Variants in ANXA8 observed in about 807,000 individuals in gnomAD.
ANXA8 encodes annexin A8.
A neutral mutation model predicts 26.8 loss-of-function variants in ANXA8; 9 were observed. The ratio of observed to expected loss-of-function variants is 0.34; its 90% CI spans 0.20 to 0.59. The LOEUF is 0.59. Ranked by LOEUF, ANXA8 falls within the 20% of genes least tolerant of loss-of-function variation. The pLI, the probability that ANXA8 is intolerant of heterozygous loss-of-function variation, is 0.84. For synonymous variants in ANXA8, 39 were observed against 94.8 expected (o/e 0.41, Z 3.42); for missense variants, 83 against 238.5 (o/e 0.35, Z 4.29).
At chr10:47,587,645 A>C in the ANXA8 span, among the ~76,000 whole-genome samples, 2 of 147,028 alleles carry the variant, frequency 1.4e-5, no homozygotes, top group East Asian at 3.9e-4. Flanking sequence ...CCAATAGATA[A>C]ATGTAAATAA....
chr10:47,691,108 A>G, the ANXA8 span: 142 of 1,610,918 alleles, frequency 8.8e-5, no homozygotes, highest in Non-Finnish European at 1.1e-4. Context: ...CTGGCTCTAA[A>G]GTGCCTTTAG....
At chr10:47,694,790 A>G in the ANXA8 span, among the ~76,000 whole-genome samples, 72 of 151,836 alleles carry the variant, frequency 4.7e-4, no homozygotes, top group African/African-American at 1.6e-3. Context: ...ACAGTTTGCT[A>G]TTATAACTTC....
chr10:47,950,464 T>C, the ANXA8 span, among the ~76,000 whole-genome samples: 54 of 151,846 alleles, frequency 3.6e-4, no homozygotes, highest in South Asian at 6.2e-3. Flanking sequence ...ATCCTAGGAA[T>C]GCAAAGTCAG....
chr10:47,525,371 A>C, the ANXA8 span, among the ~76,000 whole-genome samples: 2 of 141,820 alleles, frequency 1.4e-5, 1 homozygote, highest in African/African-American at 5.3e-5. Context: ...GTGCCATGGC[A>C]CTCCTGCCTG....
the ANXA8 span, among the ~76,000 whole-genome samples, chr10:47,946,383 T>C: frequency 2.0e-5 from 3 of 150,720 alleles, no homozygotes; most frequent in African/African-American, 7.4e-5. Flanking sequence ...CACTAGAGGT[T>C]TAATCTCTGA....
chr10:47,922,538 TC>T, the ANXA8 span: 238 of 1,096,494 alleles, frequency 2.2e-4, 4 homozygotes, highest in South Asian at 2.7e-3. Flanking sequence ...GAGAATGTCT[TC>T]CACAAGAACC....
At chr10:47,594,309 A>G in the ANXA8 span, among the ~76,000 whole-genome samples, 5 of 143,562 alleles carry the variant, frequency 3.5e-5, no homozygotes, top group Non-Finnish European at 7.5e-5. Flanking sequence ...AGAAGTGTCA[A>G]CTCCCGCAGA....
the ANXA8 span, among the ~76,000 whole-genome samples, chr10:47,980,986 CCAAAA>C: frequency 0.021 from 3,200 of 151,062 alleles, 117 homozygotes; most frequent in African/African-American, 0.073. Flanking sequence ...TCTCATGATA[CCAAAA>C]CAAAAGACAT....
the ANXA8 span, among the ~76,000 whole-genome samples, chr10:47,650,239 G>T: frequency 1.3e-5 from 2 of 148,690 alleles, no homozygotes; most frequent in Non-Finnish European, 1.5e-5. Flanking sequence ...AAGAAGTGGG[G>T]TTTCACCATG....
chr10:47,510,089 T>A, the ANXA8 span: 1 of 1,461,060 alleles, frequency 6.8e-7, no homozygotes, highest in East Asian at 3.2e-5. Context: ...TTTCTTAAGC[T>A]GATTGCTGAA....
chr10:47,939,600 C>T, the ANXA8 span, among the ~76,000 whole-genome samples: 2 of 145,408 alleles, frequency 1.4e-5, no homozygotes, highest in African/African-American at 2.7e-5. Context: ...TGGACGCCTC[C>T]ACGGCATGTT....
the ANXA8 span, among the ~76,000 whole-genome samples, chr10:47,641,037 TA>T: frequency 7.4e-6 from 1 of 134,308 alleles, no homozygotes; most frequent in Non-Finnish European, 1.5e-5. Flanking sequence ...TAAGTCAAGA[TA>T]ACCAAGATGA....
the ANXA8 span, among the ~76,000 whole-genome samples, chr10:47,711,110 T>C: frequency 6.7e-6 from 1 of 148,414 alleles, no homozygotes; most frequent in Non-Finnish European, 1.5e-5. Context: ...GGGAGTTACC[T>C]TAACTCTTTC....
chr10:47,495,890 A>C, the ANXA8 span, among the ~76,000 whole-genome samples: 3 of 151,470 alleles, frequency 2.0e-5, no homozygotes, highest in Non-Finnish European at 4.4e-5. Context: ...GCAGGAGAGG[A>C]CCCTCAGAGT....
chr10:47,988,787 G>T, the ANXA8 span, among the ~76,000 whole-genome samples: 3 of 151,692 alleles, frequency 2.0e-5, no homozygotes, highest in African/African-American at 7.3e-5. Context: ...ATTGGCTCAG[G>T]CTCGCTGGCT....
chr10:47,711,272 T>C, the ANXA8 span, among the ~76,000 whole-genome samples: 1 of 149,374 alleles, frequency 6.7e-6, no homozygotes, highest in Non-Finnish European at 1.5e-5. Context: ...TTCTGGTATA[T>C]TGAATTAAAT....
chr10:47,525,763 T>C, the ANXA8 span, among the ~76,000 whole-genome samples: 1 of 130,642 alleles, frequency 7.7e-6, no homozygotes, highest in Non-Finnish European at 1.6e-5. Flanking sequence ...TAAATGATTC[T>C]GGCTATTAAC....
the ANXA8 span, among the ~76,000 whole-genome samples, chr10:47,941,132 A>G: frequency 6.9e-6 from 1 of 145,930 alleles, no homozygotes; most frequent in Non-Finnish European, 1.5e-5. Flanking sequence ...ACCAATTAAC[A>G]AATGCTTATA....
the ANXA8 span, among the ~76,000 whole-genome samples, chr10:47,669,151 G>A: frequency 4.6e-5 from 7 of 151,860 alleles, 1 homozygote; most frequent in Non-Finnish European, 1.5e-5. Flanking sequence ...TTGCCTTGGT[G>A]GGAAAAGCAT....
Sources: gnomAD v4.1 joint callset for allele counts (sites outside exome capture counted in the v4.1 genomes callset) on GRCh38, gnomAD v4.1.1 for gene constraint, MANE v1.5 for transcripts, NCBI Gene and HGNC (gene_info 2026-07-23, HGNC 2026-07-21) for gene names.